Variants in TASP1 observed in about 807,000 individuals in gnomAD.
The protein encoded by TASP1 is threonine aspartase 1.
TASP1 carries 16 observed loss-of-function variants against 56.6 expected under a neutral mutation model. The ratio of observed to expected loss-of-function variants is 0.28; its 90% CI spans 0.19 to 0.43. TASP1 has a LOEUF of 0.43. Ranked by LOEUF, TASP1 falls within the 20% of genes least tolerant of loss-of-function variation. The pLI is 1.00. For missense variants in TASP1, 393 were observed against 511.6 expected, an observed-to-expected ratio of 0.77 and a Z score of 2.24; for synonymous variants, 179 against 184.2, an observed-to-expected ratio of 0.97 and a Z score of 0.23.
At chr20:13,413,897 G>T (rs986415330) in intron 13 of TASP1, among the ~76,000 whole-genome samples, 2 of 151,844 alleles carry the variant, frequency 1.3e-5, no homozygotes, top group African/African-American at 4.8e-5. Flanking sequence ...AGAAAATATT[G>T]TCCATATTAT....
At chr20:13,505,488 G>A (rs1168614152) in intron 10 of TASP1, among the ~76,000 whole-genome samples, 2 of 152,054 alleles carry the variant, frequency 1.3e-5, no homozygotes, top group Non-Finnish European at 2.9e-5. Flanking sequence ...ATTTTCTCAA[G>A]TGCACACAGG....
At chr20:13,564,856 A>T (rs1008503615) in intron 7 of TASP1, among the ~76,000 whole-genome samples, 2 of 151,888 alleles carry the variant, frequency 1.3e-5, no homozygotes, top group African/African-American at 2.4e-5. Context: ...CAAAAAAAAA[A>T]TTAGCCGGGT....
At chr20:13,295,684 G>A in the TASP1 span, among the ~76,000 whole-genome samples, 2 of 152,210 alleles carry the variant, frequency 1.3e-5, no homozygotes, top group Non-Finnish European at 2.9e-5. Flanking sequence ...CTTTCAGATC[G>A]AGGTGCATGC....
At chr20:13,244,800 G>T in the TASP1 span, among the ~76,000 whole-genome samples, 4 of 152,174 alleles carry the variant, frequency 2.6e-5, no homozygotes, top group African/African-American at 9.7e-5. Context: ...AAAAGGGAAA[G>T]GTGTGTTTCA....
At chr20:13,125,983 C>T in the TASP1 span, among the ~76,000 whole-genome samples, 1 of 152,176 alleles carries the variant, frequency 6.6e-6, no homozygotes, top group African/African-American at 2.4e-5. Context: ...TGCTTCTGTT[C>T]CTTTGTTCAA....
At chr20:13,261,816 C>G in the TASP1 span, among the ~76,000 whole-genome samples, 1 of 152,188 alleles carries the variant, frequency 6.6e-6, no homozygotes, top group African/African-American at 2.4e-5. Flanking sequence ...GGTCCCTAGG[C>G]CACCCCTACC....
the TASP1 span, among the ~76,000 whole-genome samples, chr20:13,258,205 T>C: frequency 6.6e-6 from 1 of 152,286 alleles, no homozygotes; most frequent in Non-Finnish European, 1.5e-5. Context: ...TCTGCATGTA[T>C]TACATCAACA....
the TASP1 span, among the ~76,000 whole-genome samples, chr20:13,336,066 C>T: frequency 5.3e-5 from 8 of 152,248 alleles, no homozygotes; most frequent in Admixed American, 1.3e-4. Flanking sequence ...AGATCTTAAA[C>T]GCTTCCAGGA....
At chr20:13,311,216 T>TAGATA in the TASP1 span, among the ~76,000 whole-genome samples, 1 of 133,206 alleles carries the variant, frequency 7.5e-6, no homozygotes, top group African/African-American at 2.9e-5. Context: ...TATAGATAGA[T>TAGATA]GATAGATAGA....
chr20:13,430,446 C>T (rs1283800173), intron 12 of TASP1, among the ~76,000 whole-genome samples: 3 of 152,164 alleles, frequency 2.0e-5, no homozygotes, highest in Non-Finnish European at 4.4e-5. Flanking sequence ...GGCAGGAAGC[C>T]CCGGTTCCTC....
intron 11 of TASP1, among the ~76,000 whole-genome samples, chr20:13,443,457 TG>T (rs2043293431): frequency 6.6e-6 from 1 of 152,146 alleles, no homozygotes; most frequent in Non-Finnish European, 1.5e-5. Context: ...AAAAAACAAG[TG>T]GATTAGTAAA....
chr20:13,562,748 G>A (rs916690057), intron 7 of TASP1, among the ~76,000 whole-genome samples: 4 of 151,434 alleles, frequency 2.6e-5, no homozygotes, highest in East Asian at 2.0e-4. Context: ...ATGGTGGCAT[G>A]CACCTGTAGT....
chr20:13,550,621 T>C (rs1037151874), intron 8 of TASP1, among the ~76,000 whole-genome samples: 1 of 152,132 alleles, frequency 6.6e-6, no homozygotes, highest in African/African-American at 2.4e-5. Context: ...TATATTCATA[T>C]ACTAATCAAC....
chr20:13,227,331 G>A, the TASP1 span, among the ~76,000 whole-genome samples: 1 of 151,390 alleles, frequency 6.6e-6, no homozygotes, highest in Non-Finnish European at 1.5e-5. Flanking sequence ...AGCCTCCCGA[G>A]TAGCTGGGAC....
chr20:13,311,806 G>T, the TASP1 span, among the ~76,000 whole-genome samples: 2 of 152,138 alleles, frequency 1.3e-5, no homozygotes, highest in Non-Finnish European at 2.9e-5. Flanking sequence ...GTGTGGAAAG[G>T]GGAAATGTTA....
chr20:13,436,733 G>A (rs1464705545), intron 11 of TASP1, among the ~76,000 whole-genome samples: 2 of 152,054 alleles, frequency 1.3e-5, no homozygotes, highest in African/African-American at 4.8e-5. Context: ...AGAAGAGACT[G>A]GATAATCCCT....
At chr20:13,331,677 T>G in the TASP1 span, among the ~76,000 whole-genome samples, 1 of 151,142 alleles carries the variant, frequency 6.6e-6, no homozygotes, top group South Asian at 2.1e-4. Flanking sequence ...TTGTGGCTTT[T>G]TTTTTTTTTT....
At chr20:13,479,063 T>C (rs987407010) in intron 11 of TASP1, among the ~76,000 whole-genome samples, 2 of 151,918 alleles carry the variant, frequency 1.3e-5, no homozygotes, top group African/African-American at 4.8e-5. Context: ...TTTAAAATGA[T>C]GGAAGAAAGA....
At chr20:13,408,094 T>C (rs907696636) in intron 13 of TASP1, among the ~76,000 whole-genome samples, 3 of 152,178 alleles carry the variant, frequency 2.0e-5, no homozygotes, top group Middle Eastern at 3.2e-3. Context: ...TTTTCTTTTG[T>C]TGCCTGTGCT....
Sources: allele counts gnomAD v4.1 joint callset (sites outside exome capture counted in the v4.1 genomes callset), GRCh38; gene constraint gnomAD v4.1.1; transcripts MANE v1.5; gene names NCBI Gene and HGNC (gene_info 2026-07-23, HGNC 2026-07-21).